UBE2N: variants seen among roughly 807,000 people sequenced by gnomAD.
The protein encoded by UBE2N is ubiquitin-conjugating enzyme E2 N.
For missense variants in UBE2N, 60 were observed against 192.1 expected, an observed-to-expected ratio of 0.31 and a Z score of 4.07; for synonymous variants, 70 against 69.2, an observed-to-expected ratio of 1.01 and a Z score of -0.06.
At chr12:93,411,970 G>A (rs191615556) in intron 1 of UBE2N, among the ~76,000 whole-genome samples, 1 of 152,194 alleles carries the variant, frequency 6.6e-6, no homozygotes, top group East Asian at 1.9e-4. Flanking sequence ...GAGATTACAG[G>A]TATGGGCCAA....
At chr12:93,425,502 G>A (rs1878553160) in intron 1 of UBE2N, among the ~76,000 whole-genome samples, 1 of 152,022 alleles carries the variant, frequency 6.6e-6, no homozygotes, top group Admixed American at 6.6e-5. Flanking sequence ...AGAGATCAAG[G>A]CCTGTGTCTA....
intron 1 of UBE2N, among the ~76,000 whole-genome samples, chr12:93,423,288 A>G (rs575164697): frequency 6.6e-6 from 1 of 152,328 alleles, no homozygotes; most frequent in Admixed American, 6.5e-5. Flanking sequence ...TGCTTAAACT[A>G]GCCAAAGCTG....
chr12:93,425,014 T>C (rs1168412733), intron 1 of UBE2N, among the ~76,000 whole-genome samples: 1 of 152,264 alleles, frequency 6.6e-6, no homozygotes, highest in Admixed American at 6.5e-5. Context: ...TCAATCTTTT[T>C]ATGTTTATGG....
intron 1 of UBE2N, among the ~76,000 whole-genome samples, chr12:93,437,052 T>C (rs555342989): frequency 6.6e-6 from 1 of 151,860 alleles, no homozygotes; most frequent in Admixed American, 6.5e-5. Context: ...CACTTGAGCC[T>C]AGGAGCTCGA....
chr12:93,440,243 T>A (rs746335971), intron 1 of UBE2N, among the ~76,000 whole-genome samples: 1 of 152,180 alleles, frequency 6.6e-6, no homozygotes, highest in African/African-American at 2.4e-5. Context: ...GGGGCCTCAA[T>A]AAACATGACC....
At chr12:93,441,759 C>A in intron 1 of UBE2N, 96 bp downstream of exon 1, 1 of 1,511,794 alleles carries the variant, frequency 6.6e-7, no homozygotes, top group East Asian at 2.7e-5. Context: ...CCTCCCAGAG[C>A]GGGCCGCGGG....
At chr12:93,428,180 A>G (rs7314146) in intron 1 of UBE2N, among the ~76,000 whole-genome samples, 9,564 of 152,196 alleles carry the variant, frequency 0.063, 937 homozygotes, top group African/African-American at 0.21. Context: ...TCAGCCTCCC[A>G]AAGTGCTGGG....
intron 1 of UBE2N, among the ~76,000 whole-genome samples, chr12:93,432,410 A>G (rs187505301): frequency 5.9e-5 from 9 of 152,008 alleles, no homozygotes; most frequent in Non-Finnish European, 1.2e-4. Context: ...GGATCGGCCT[A>G]TGTTACTAAA....
At chr12:93,411,430 A>G (rs1263217442) in intron 1 of UBE2N, 131 bp from the exon 2 acceptor site, 41 of 1,312,458 alleles carry the variant, frequency 3.1e-5, no homozygotes, top group Non-Finnish European at 4.1e-5. Context: ...GATTTAGCTT[A>G]TAAAATGCAA....
At position 93,410,821 on chromosome 12, in the gene UBE2N, A is replaced by G; in HGVS notation, c.331T>C (p.Leu111=). Residue 111 remains leucine, a synonymous_variant, in exon 3 of 4, where the codon TTG becomes CTG. Coordinates refer to ENST00000318066, the MANE Select transcript of UBE2N (RefSeq NM_003348.4). ...TCATCTGGATTGGGAGCACTTAACA[A>G]GGCCTGGATCGATAGCAGAACTGTG... is the stretch of plus-strand genomic sequence containing the variant. ...IRTVLLSIQA[L]LSAPNPDDPL... The G allele has an allele frequency of 1.2e-6, 2 of 1,614,208 alleles. No individual in the cohort carries two copies. Among genetic ancestry groups the G allele is most frequent in the Non-Finnish European group, 1.7e-6 (2 of 1,180,052 alleles).
intron 1 of UBE2N, among the ~76,000 whole-genome samples, chr12:93,433,556 C>T (rs1468201942): frequency 6.6e-6 from 1 of 152,180 alleles, no homozygotes; most frequent in Non-Finnish European, 1.5e-5. Flanking sequence ...CAGTCCAACT[C>T]GTTTTTCGCA....
intron 1 of UBE2N, among the ~76,000 whole-genome samples, chr12:93,416,017 T>C (rs17021218): frequency 0.028 from 4,306 of 152,282 alleles, 212 homozygotes; most frequent in African/African-American, 0.099. Flanking sequence ...CTAGATTTAA[T>C]TGGAACACAT....
At chr12:93,435,313 A>G (rs113883279) in intron 1 of UBE2N, among the ~76,000 whole-genome samples, 1 of 152,228 alleles carries the variant, frequency 6.6e-6, no homozygotes, top group Non-Finnish European at 1.5e-5. Context: ...CCTCTACTAA[A>G]AATACAAAAA....
At position 93,438,728 on chromosome 12, in the gene UBE2N, T is replaced by C. The variant is rs1426876625; in HGVS notation, c.30+3127A>G. Among the ~76,000 whole-genome samples the C allele has an allele frequency of 3.9e-5, 6 of 152,000 alleles. No homozygotes were observed. In the East Asian group the frequency reaches 7.7e-4, roughly 19 times the overall value. On this transcript the variant is annotated intron_variant, in intron 1 of 3. Coordinates refer to ENST00000318066, the MANE Select transcript of UBE2N (RefSeq NM_003348.4). ...GAGGCCAGGCAGTAAATGATGGAAG[T>C]GAACAGAGGTTTGAAAGACAGGGGG...
chr12:93,410,731 T>A lies in UBE2N; in HGVS notation c.418+3A>T. 6.2e-7 allele frequency: 1 copy of A among 1,614,160 alleles called. No individual in the cohort carries two copies. The highest frequency in any genetic ancestry group is 8.5e-7 in the Non-Finnish European group (1 of 1,179,992). Reference sequence around the variant, plus strand: ...GGTGTGAAGGAGAATGAATATTAGATACCTGTTTCTATGGCTTGGGCTTCG... The same window carrying A: ...GGTGTGAAGGAGAATGAATATTAGAAACCTGTTTCTATGGCTTGGGCTTCG... On this transcript the variant is annotated splice_donor_region_variant and intron_variant, in intron 3 of 3. Transcript: ENST00000318066.
At position 93,422,602 on chromosome 12, in the gene UBE2N, A is replaced by T. The variant is rs543774102; in HGVS notation, c.31-11303T>A. Among the ~76,000 whole-genome samples, 66 of 152,308 alleles carry T rather than the reference A, an allele frequency of 4.3e-4. No homozygotes were observed. The Middle Eastern group carries it at 0.017, about 39-fold the overall frequency. On this transcript the variant is annotated intron_variant, in intron 1 of 3. Coordinates refer to ENST00000318066, the MANE Select transcript of UBE2N (RefSeq NM_003348.4). ...TTCATCTTGAATTAAAATTAGGGAA[A>T]TTTTTTAAAAGCCTGTTTTATGTGG... is the stretch of plus-strand genomic sequence containing the variant.
At chr12:93,433,926 C>T (rs1336983239) in intron 1 of UBE2N, among the ~76,000 whole-genome samples, 1 of 152,202 alleles carries the variant, frequency 6.6e-6, no homozygotes, top group Non-Finnish European at 1.5e-5. Flanking sequence ...CCGAATTGTA[C>T]ATCAGGAATC....
chr12:93,410,891 C>T lies in UBE2N; in HGVS notation c.278-17G>A, dbSNP rs1592738977. The T allele has an allele frequency of 5.0e-6, 8 of 1,614,100 alleles. No homozygotes were observed. Among genetic ancestry groups the T allele is most frequent in the African/African-American group, 4.0e-5 (3 of 75,012 alleles). The stretch of plus-strand genomic sequence containing the variant: ...ACCACTTATCTATGAAGGCAACAGG[C>T]CCAGTATGATAAAGCATGAAAAAAA... On this transcript the variant is annotated splice_polypyrimidine_tract_variant and intron_variant, in intron 2 of 3. Coordinates refer to ENST00000318066, the MANE Select transcript of UBE2N (RefSeq NM_003348.4).
In UBE2N at chr12:93,408,225, T is replaced by C. The variant is rs1481138224; in HGVS notation, c.*1814A>G. On this transcript the variant is annotated 3_prime_UTR_variant, in exon 4 of 4. Coordinates refer to ENST00000318066, the MANE Select transcript of UBE2N (RefSeq NM_003348.4). ...ATGTACCCTTTAAACAGCCCAAGAA[T>C]TGTTATAAATGACAGCTGCTATCAG... 2.0e-5 allele frequency: 3 copies of C among 152,228 alleles called. No individual in the cohort carries two copies. The highest frequency in any genetic ancestry group is 7.2e-5 in the African/African-American group (3 of 41,466). The allele number at this position is 152,228 out of a possible 1,614,324, so 9.4% of individuals were successfully genotyped here. A position where few individuals can be genotyped will look rare whatever the true frequency, so the allele number is the denominator to read the frequency against.
Sources: gnomAD v4.1 joint callset for allele counts (sites outside exome capture counted in the v4.1 genomes callset) on GRCh38, gnomAD v4.1.1 for gene constraint, MANE v1.5 for transcripts, NCBI Gene and HGNC (gene_info 2026-07-23, HGNC 2026-07-21) for gene names.